ZNF470: variants seen among roughly 807,000 people sequenced by gnomAD.
ZNF470 encodes the protein chondrogenesis zinc finger protein 1.
Under a neutral mutation model 13.9 loss-of-function variants are expected in ZNF470, and 13 were observed. That is an observed-to-expected ratio of 0.94 (90% CI 0.61 to 1.49). The LOEUF (loss-of-function observed/expected upper bound fraction) is 1.49, where lower values mean the gene tolerates loss of function less well. Among genes scored for constraint, ZNF470 ranks in the 40% most tolerant of loss-of-function variants. The probability of loss-of-function intolerance (pLI) is 0.00; values close to 1 mark genes in which losing one functional copy is unlikely to be tolerated. For synonymous variants in ZNF470, 293 were observed against 282.9 expected (o/e 1.04, Z -0.36); for missense variants, 929 against 857.3 (o/e 1.08, Z -1.04).
At chr19:56,570,583 C>G (rs1444780959) in intron 3 of ZNF470, among the ~76,000 whole-genome samples, 1 of 152,116 alleles carries the variant, frequency 6.6e-6, no homozygotes, top group Non-Finnish European at 1.5e-5. Flanking sequence ...CCTTCCTGCT[C>G]ATTGTTTATT....
Position 56,582,067 on chromosome 19 carries a change from G to A in ZNF470, c.*3484G>A. ...TACGAAGATTGGGTAATGGGCATTA[G>A]AATCTTTGGAAAAATCAGGTATTGG... On this transcript the variant is annotated 3_prime_UTR_variant, in exon 6 of 6. Transcript: ENST00000330619. 1 of 985,356 alleles carries A rather than the reference G, an allele frequency of 1.0e-6. No homozygotes were observed. Among genetic ancestry groups the A allele is most frequent in the Non-Finnish European group, 1.2e-6 (1 of 829,928 alleles). 61.0% of individuals were successfully genotyped at this position (985,356 alleles called of 1,614,324 possible). A position where few individuals can be genotyped will look rare whatever the true frequency, so the allele number is the denominator to read the frequency against.
Position 56,576,938 on chromosome 19 carries a change from A to G in ZNF470, c.509A>G (p.Lys170Arg). The change falls in exon 6 of 6, where the codon AAA (lysine) becomes AGA (arginine). Residue 170 changes from lysine (K) to arginine (R), a missense_variant. Transcript: ENST00000330619. ...ACTCATATAGATACTCTTATTGAAA[A>G]AAGAGATCACTCTAACAAATCTGGG... ...TITHIDTLIEKRDHSNKSGTV... is the reference protein window; with the variant it reads ...TITHIDTLIERRDHSNKSGTV... 1 of 1,580,870 alleles carries G rather than the reference A, an allele frequency of 6.3e-7. No homozygotes were observed. The highest frequency in any genetic ancestry group is 1.2e-5 in the South Asian group (1 of 85,426).
chr19:56,578,880 A>G lies in ZNF470; in HGVS notation c.*297A>G, dbSNP rs886652847. The stretch of plus-strand genomic sequence containing the variant: ...AGTTATTGCTAAATAAATGCTAGCC[A>G]TTAAGGTAAAGGTTTCCTTACAAAC... On this transcript the variant is annotated 3_prime_UTR_variant, in exon 6 of 6. Transcript: ENST00000330619. 2.7e-6 allele frequency: 3 copies of G among 1,091,428 alleles called. No individual in the cohort carries two copies. In the African/African-American group the frequency reaches 4.9e-5, roughly 18 times the overall value. The allele number at this position is 1,091,428 out of a possible 1,614,324, so 67.6% of individuals were successfully genotyped here. A position where few individuals can be genotyped will look rare whatever the true frequency, so the allele number is the denominator to read the frequency against.
rs1224623064 is a variant in ZNF470 at position 56,577,912 on chromosome 19, C to G, written c.1483C>G (p.His495Asp). 1 of 1,613,786 alleles carries G rather than the reference C, an allele frequency of 6.2e-7. No individual in the cohort carries two copies. Among genetic ancestry groups the G allele is most frequent in the African/African-American group, 1.3e-5 (1 of 74,868 alleles). The part of the protein sequence containing the change: ...ECGKAFRQST[H>D]LAHHQRIHTG... ...TGGGAAAGCTTTCCGGCAGAGCACGCATCTGGCTCATCATCAGAGAATTCA... is the reference window on the plus strand; with the variant it reads ...TGGGAAAGCTTTCCGGCAGAGCACGGATCTGGCTCATCATCAGAGAATTCA... The change falls in exon 6 of 6, where the codon CAT becomes GAT. Residue 495 changes from histidine to aspartate, a missense_variant. His to Asp is a moderately conservative substitution (Grantham distance 81, BLOSUM62 -1). Transcript: ENST00000330619.
chr19:56,579,800 T>C lies in ZNF470; in HGVS notation c.*1217T>C. On this transcript the variant is annotated 3_prime_UTR_variant, in exon 6 of 6. Coordinates refer to ENST00000330619, the MANE Select transcript of ZNF470 (RefSeq NM_001001668.4). ...GTATAGAAAATCTGATAAAAATATT[T>C]CTCCCTAAATTGTAAATTCATTGAT... 2 of 914,934 alleles carry C rather than the reference T, an allele frequency of 2.2e-6. No individual in the cohort carries two copies. Among genetic ancestry groups the C allele is most frequent in the Non-Finnish European group, 1.3e-6 (1 of 765,976 alleles). 56.7% of individuals were successfully genotyped at this position (914,934 alleles called of 1,614,324 possible).
rs976237056 is a variant in ZNF470, at chr19:56,577,980, C to T, written c.1551C>T (p.Thr517=). 1.2e-6 allele frequency: 2 copies of T among 1,613,164 alleles called. No homozygotes were observed. The highest frequency in any genetic ancestry group is 2.7e-5 in the African/African-American group (2 of 74,830). ...ATGAATGTAAGGAATGCAGCAAAAC[C>T]TTCAGCCAGAATGCACACCTCGCGC... is the stretch of plus-strand genomic sequence containing the variant. The part of the protein sequence containing the change: ...KPYECKECSK[T]FSQNAHLAQH... Residue 517 remains threonine (T), a synonymous_variant, in exon 6 of 6, where the codon ACC becomes ACT. Coordinates refer to ENST00000330619, the MANE Select transcript of ZNF470 (RefSeq NM_001001668.4).
intron 5 of ZNF470, among the ~76,000 whole-genome samples, chr19:56,575,764 C>T (rs2147985268): frequency 6.6e-6 from 1 of 152,282 alleles, no homozygotes; most frequent in East Asian, 1.9e-4. Context: ...TGCATCACCA[C>T]ACCTGGCCCT....
At position 56,581,406 on chromosome 19, in the gene ZNF470, C is replaced by T. The variant is rs1039834710; in HGVS notation, c.*2823C>T. The T allele has an allele frequency of 2.2e-4, 212 of 968,236 alleles. No individual in the cohort carries two copies. The highest frequency in any genetic ancestry group is 2.4e-4 in the Non-Finnish European group (196 of 814,762). The allele number at this position is 968,236 out of a possible 1,614,324, so 60.0% of individuals were successfully genotyped here. ...CATATCTATTGCTTTATGTATATAC[C>T]CTTTGAATTAATATTCCTTGGAAAC... On this transcript the variant is annotated 3_prime_UTR_variant, in exon 6 of 6. Coordinates refer to ENST00000330619, the MANE Select transcript of ZNF470 (RefSeq NM_001001668.4).
Position 56,578,771 on chromosome 19 carries a change from TTA to T in ZNF470, c.*190_*191del, listed in dbSNP as rs747812030. On this transcript the variant is annotated 3_prime_UTR_variant, in exon 6 of 6. Transcript: ENST00000330619. ...CCTTTTAAAAATAAAAATACATAAT[TTA>T]TGTTATTTTCCCATTTAAAACACTT... The T allele has an allele frequency of 1.6e-5, 20 of 1,243,602 alleles. No homozygotes were observed. Among genetic ancestry groups the T allele is most frequent in the Non-Finnish European group, 2.0e-5 (20 of 991,106 alleles). The allele number at this position is 1,243,602 out of a possible 1,614,324, so 77.0% of individuals were successfully genotyped here.
At position 56,572,541 on chromosome 19, in the gene ZNF470, CAA is replaced by C. The variant is rs764794483; in HGVS notation, c.61-1835_61-1834del. ...TGGGCAACAGAACAAGACCCTGTCT[CAA>C]AAAAAAAAAAAAAAAAAGTAGCAGT... On this transcript the variant is annotated intron_variant, in intron 3 of 5. Transcript: ENST00000330619. Among the ~76,000 whole-genome samples, 175 of 87,254 alleles carry C rather than the reference CAA, an allele frequency of 2.0e-3. 1 individual carries two copies. Among genetic ancestry groups the C allele is most frequent in the African/African-American group, 6.7e-3 (133 of 19,838 alleles). 57.2% of individuals were successfully genotyped at this position (87,254 alleles called of 152,430 possible).
At chr19:56,569,763 A>G (rs2044436975) in intron 2 of ZNF470, among the ~76,000 whole-genome samples, 1 of 152,034 alleles carries the variant, frequency 6.6e-6, no homozygotes, top group African/African-American at 2.4e-5. Flanking sequence ...CAGGAGGTTG[A>G]CACCTCCTGG....
intron 3 of ZNF470, among the ~76,000 whole-genome samples, chr19:56,570,826 G>T (rs1600563872): frequency 6.6e-6 from 1 of 152,196 alleles, no homozygotes; most frequent in East Asian, 1.9e-4. Context: ...GAATACTTGG[G>T]AAGGGCCATT....
chr19:56,573,236 TATC>T (rs1292873710), intron 3 of ZNF470, among the ~76,000 whole-genome samples: 4 of 152,220 alleles, frequency 2.6e-5, no homozygotes, highest in African/African-American at 9.6e-5. Context: ...TCTTCATCCT[TATC>T]ATAGGCAACA....
chr19:56,573,854 A>G (rs2044471144), intron 3 of ZNF470: 2 of 529,118 alleles, frequency 3.8e-6, no homozygotes, highest in African/African-American at 2.1e-5. Context: ...ATACAAATAT[A>G]CTTTTATTTC....
At position 56,579,517 on chromosome 19, in the gene ZNF470, A is replaced by G. The variant is rs1265422203; in HGVS notation, c.*934A>G. ...AGTAACAAGCCAAAAAAACTTGAAT[A>G]GATTAATAGCCATGAAACACTGAAA... On this transcript the variant is annotated 3_prime_UTR_variant, in exon 6 of 6. Transcript: ENST00000330619. 1.9e-5 allele frequency: 19 copies of G among 985,326 alleles called. No homozygotes were observed. In the African/African-American group the frequency reaches 3.3e-4, roughly 17 times the overall value. The allele number at this position is 985,326 out of a possible 1,614,324, so 61.0% of individuals were successfully genotyped here.
intron 3 of ZNF470, among the ~76,000 whole-genome samples, chr19:56,571,621 T>TG (rs903099615): frequency 6.6e-4 from 101 of 152,012 alleles, no homozygotes; most frequent in African/African-American, 2.3e-3. Context: ...TGTCTTTTTT[T>TG]TTTTTGAGAT....
At chr19:56,568,947 T>C (rs1410971722) in intron 2 of ZNF470, 64 bp downstream of exon 2, 1 of 152,186 alleles carries the variant, frequency 6.6e-6, no homozygotes, top group Non-Finnish European at 1.5e-5. Flanking sequence ...AATAACTAAA[T>C]AGTTCATATG....
At chr19:56,569,656 G>A (rs1315069974) in intron 2 of ZNF470, among the ~76,000 whole-genome samples, 1 of 152,136 alleles carries the variant, frequency 6.6e-6, no homozygotes, top group African/African-American at 2.4e-5. Context: ...AATATATGCA[G>A]CACAGACATG....
At chr19:56,575,523 G>C (rs1321809356) in intron 5 of ZNF470, among the ~76,000 whole-genome samples, 2 of 151,230 alleles carry the variant, frequency 1.3e-5, no homozygotes, top group African/African-American at 4.9e-5. Context: ...AGCTAGATAA[G>C]AGACGACAGA....
Sources: allele counts gnomAD v4.1 joint callset (sites outside exome capture counted in the v4.1 genomes callset), GRCh38; gene constraint gnomAD v4.1.1; transcripts MANE v1.5; gene names NCBI Gene and HGNC (gene_info 2026-07-23, HGNC 2026-07-21).